The following NTRK3 variants were observed in gnomAD, a reference collection of about 807,000 sequenced individuals.
NTRK3 encodes the protein NT-3 growth factor receptor.
A neutral mutation model predicts 91.7 loss-of-function variants in NTRK3; 24 were observed. The observed-to-expected ratio is 0.26, with a 90% confidence interval of 0.19 to 0.37. NTRK3 has a LOEUF of 0.37. Ranked by LOEUF, NTRK3 falls within the 10% of genes least tolerant of loss-of-function variation. The probability of loss-of-function intolerance (pLI) is 1.00; values close to 1 mark genes in which losing one functional copy is unlikely to be tolerated. For synonymous variants in NTRK3, 483 were observed against 404.0 expected (o/e 1.20, Z -2.34); for missense variants, 880 against 1,068.9 (o/e 0.82, Z 2.46).
chr15:87,906,164 T>TTTTCTA (rs2066750667), intron 17 of NTRK3, among the ~76,000 whole-genome samples: 1 of 152,328 alleles, frequency 6.6e-6, no homozygotes, highest in South Asian at 2.1e-4. Flanking sequence ...GGCTCCACTA[T>TTTTCTA]TTTCTATTTC....
chr15:88,220,444 T>C (rs2050145610), intron 3 of NTRK3, among the ~76,000 whole-genome samples: 1 of 151,826 alleles, frequency 6.6e-6, no homozygotes, highest in East Asian at 1.9e-4. Flanking sequence ...CAGGTACAGA[T>C]GGGAGTTCAA....
At chr15:87,998,059 G>C (rs139248736) in intron 14 of NTRK3, among the ~76,000 whole-genome samples, 1 of 152,308 alleles carries the variant, frequency 6.6e-6, no homozygotes, top group East Asian at 1.9e-4. Flanking sequence ...GATAATTCTT[G>C]GTTTTGGGGG....
At chr15:88,064,442 C>G (rs1054524562) in intron 13 of NTRK3, among the ~76,000 whole-genome samples, 3 of 152,230 alleles carry the variant, frequency 2.0e-5, no homozygotes, top group African/African-American at 7.2e-5. Flanking sequence ...TCCACATTCT[C>G]TACTGTTGGT....
chr15:87,994,897 AGAGATG>A (rs2075573756), intron 14 of NTRK3, among the ~76,000 whole-genome samples: 1 of 152,220 alleles, frequency 6.6e-6, no homozygotes. Context: ...ATCAATAGAT[AGAGATG>A]AAGACTGACA....
chr15:87,997,105 A>G (rs1223014958), intron 14 of NTRK3, among the ~76,000 whole-genome samples: 1 of 152,254 alleles, frequency 6.6e-6, no homozygotes, highest in Non-Finnish European at 1.5e-5. Context: ...GCCATTAGGC[A>G]GATGTGGATC....
At chr15:87,942,965 C>T (rs1202174523) in intron 14 of NTRK3, among the ~76,000 whole-genome samples, 1 of 152,134 alleles carries the variant, frequency 6.6e-6, no homozygotes, top group Non-Finnish European at 1.5e-5. Flanking sequence ...GGCAGGGTTG[C>T]CAAGTTACTT....
intron 5 of NTRK3, among the ~76,000 whole-genome samples, chr15:88,159,947 C>CAT (rs1171355869): frequency 1.7e-4 from 9 of 51,696 alleles, no homozygotes; most frequent in African/African-American, 5.7e-4. Context: ...GCCTCCTACA[C>CAT]ACACACACAC....
intron 5 of NTRK3, 99 bp downstream of exon 5, chr15:88,183,319 T>C: frequency 8.2e-7 from 1 of 1,218,694 alleles, no homozygotes; most frequent in Non-Finnish European, 1.2e-6. Context: ...CAAGAGCCCC[T>C]GGAGGCAAAA....
chr15:87,962,539 C>A (rs2072396155), intron 14 of NTRK3, among the ~76,000 whole-genome samples: 1 of 152,222 alleles, frequency 6.6e-6, no homozygotes, highest in African/African-American at 2.4e-5. Context: ...ATCTCACTAG[C>A]AATCTCTCCA....
chr15:88,039,659 T>G (rs956774103), intron 13 of NTRK3, among the ~76,000 whole-genome samples: 1 of 152,228 alleles, frequency 6.6e-6, no homozygotes. Context: ...TGTTCCCCAG[T>G]GCCGTAAAGA....
intron 4 of NTRK3, 41 bp from the exon 5 acceptor site, chr15:88,183,530 C>T (rs1195721940): frequency 2.5e-6 from 4 of 1,583,966 alleles, no homozygotes; most frequent in Non-Finnish European, 3.5e-6. Context: ...GCTCAAGTGG[C>T]AGAGGGATAT....
chr15:88,130,794 C>T (rs920962865), intron 10 of NTRK3, among the ~76,000 whole-genome samples: 6 of 152,152 alleles, frequency 3.9e-5, no homozygotes, highest in African/African-American at 1.2e-4. Flanking sequence ...GAACTCAACG[C>T]AGTGTGTAAT....
chr15:88,076,471 A>C (rs2047553363), intron 13 of NTRK3, among the ~76,000 whole-genome samples: 1 of 152,100 alleles, frequency 6.6e-6, no homozygotes, highest in South Asian at 2.1e-4. Flanking sequence ...ATCATCCTCT[A>C]ATCCCCTAGT....
chr15:87,907,112 T>TA (rs1248206611), intron 17 of NTRK3, among the ~76,000 whole-genome samples: 1 of 152,242 alleles, frequency 6.6e-6, no homozygotes, highest in Non-Finnish European at 1.5e-5. Flanking sequence ...TGATTAATAT[T>TA]AAATGTTTGT....
Position 88,255,446 on chromosome 15 carries a change from T to C in NTRK3, c.248+460A>G, listed in dbSNP as rs1404724192. Among the ~76,000 whole-genome samples, 1 of 152,228 alleles carries C rather than the reference T, an allele frequency of 6.6e-6. No homozygotes were observed. The highest frequency in any genetic ancestry group is 2.4e-5 in the African/African-American group (1 of 41,458). On this transcript the variant is annotated intron_variant, in intron 3 of 18. Transcript: ENST00000394480. The surrounding 1 kb of genome is among the most constrained non-coding windows in gnomAD (Gnocchi z 4.3). Reference sequence around the variant, plus strand: ...CCTCGGCTGGATCGCGAGCAGTCCCTATCTGTCACCTTCCCTGCCGGCTAA... The same window carrying C: ...CCTCGGCTGGATCGCGAGCAGTCCCCATCTGTCACCTTCCCTGCCGGCTAA...
At chr15:87,965,042 T>A (rs2072661421) in intron 14 of NTRK3, among the ~76,000 whole-genome samples, 1 of 152,360 alleles carries the variant, frequency 6.6e-6, no homozygotes, top group Admixed American at 6.5e-5. Context: ...AAAAGATCAG[T>A]TAAATTGCAA....
chr15:87,868,233 T>A, exon 19 of NTRK3: 1 of 229,846 alleles, frequency 4.4e-6, no homozygotes, highest in Non-Finnish European at 8.6e-6. Context: ...GTGAATGTAG[T>A]TTGCACTATG....
intron 17 of NTRK3, among the ~76,000 whole-genome samples, chr15:87,924,782 T>C (rs2068154907): frequency 6.6e-6 from 1 of 152,172 alleles, no homozygotes; most frequent in African/African-American, 2.4e-5. Context: ...TTCATACTTT[T>C]ATTAGGTGCC....
intron 13 of NTRK3, among the ~76,000 whole-genome samples, chr15:88,125,883 C>A (rs2053235528): frequency 6.6e-6 from 1 of 152,230 alleles, no homozygotes; most frequent in Non-Finnish European, 1.5e-5. Context: ...CCCAACACAA[C>A]TTCAAAAACA....
Sources: allele counts gnomAD v4.1 joint callset (sites outside exome capture counted in the v4.1 genomes callset), GRCh38; gene constraint gnomAD v4.1.1; non-coding constraint Gnocchi (gnomAD v3.1); transcripts MANE v1.5; gene names NCBI Gene and HGNC (gene_info 2026-07-23, HGNC 2026-07-21).